Variants in GAB2 observed in about 807,000 individuals in gnomAD.
GAB2 encodes the protein GRB2 associated binding protein 2.
In GAB2, 26 loss-of-function variants were observed where a neutral mutation model predicts 65.5. The ratio of observed to expected loss-of-function variants is 0.40; its 90% CI spans 0.29 to 0.55. GAB2 has a LOEUF of 0.55. GAB2 is among the 20% of genes least tolerant of loss of function. GAB2 has a pLI of 0.53. For missense variants in GAB2, 884 were observed against 875.8 expected, an observed-to-expected ratio of 1.01 and a Z score of -0.12; for synonymous variants, 321 against 329.6, an observed-to-expected ratio of 0.97 and a Z score of 0.28.
At chr11:78,361,952 C>T (rs1856440387) in intron 1 of GAB2, among the ~76,000 whole-genome samples, 1 of 152,002 alleles carries the variant, frequency 6.6e-6, no homozygotes, top group South Asian at 2.1e-4. Context: ...AATGTAAATG[C>T]TCATCAGTAA....
intron 1 of GAB2, among the ~76,000 whole-genome samples, chr11:78,319,711 A>T (rs1335475620): frequency 6.6e-6 from 1 of 152,218 alleles, no homozygotes; most frequent in Non-Finnish European, 1.5e-5. Flanking sequence ...ATGAGATATA[A>T]AATTATTAAA....
chr11:78,267,856 T>TAAA (rs1865908059), intron 2 of GAB2, among the ~76,000 whole-genome samples: 1 of 34,712 alleles, frequency 2.9e-5, no homozygotes, highest in African/African-American at 1.7e-4. Flanking sequence ...AGACTCCGTC[T>TAAA]CAAAAAAAAA....
intron 2 of GAB2, among the ~76,000 whole-genome samples, chr11:78,278,090 A>G (rs1471189530): frequency 7.2e-6 from 1 of 139,758 alleles, no homozygotes; most frequent in Non-Finnish European, 1.5e-5. Context: ...TTTTTTTGAG[A>G]CAGAGTTTCA....
At chr11:78,360,624 G>A (rs772897491) in intron 1 of GAB2, among the ~76,000 whole-genome samples, 11 of 152,110 alleles carry the variant, frequency 7.2e-5, no homozygotes, top group Non-Finnish European at 1.6e-4. Context: ...TTGGGAGGCT[G>A]AGGCAGGTGG....
intron 1 of GAB2, among the ~76,000 whole-genome samples, chr11:78,340,618 G>GAAA (rs35065436): frequency 7.7e-6 from 1 of 130,490 alleles, no homozygotes. Flanking sequence ...ATGTGAAGAG[G>GAAA]AAAAAAAAAA....
At chr11:78,235,253 C>T (rs1164347365) in intron 3 of GAB2, among the ~76,000 whole-genome samples, 4 of 151,832 alleles carry the variant, frequency 2.6e-5, no homozygotes, top group African/African-American at 4.8e-5. Context: ...CCCGGGTTCA[C>T]GCCATTCTCC....
intron 2 of GAB2, among the ~76,000 whole-genome samples, chr11:78,257,803 A>G (rs1865632175): frequency 1.3e-5 from 2 of 151,990 alleles, no homozygotes; most frequent in African/African-American, 4.8e-5. Flanking sequence ...TGAGGTACAT[A>G]TTATTACCTC....
chr11:78,265,225 A>ATATAT (rs1565132884), intron 2 of GAB2, among the ~76,000 whole-genome samples: 2 of 81,924 alleles, frequency 2.4e-5, no homozygotes, highest in South Asian at 3.3e-4. Context: ...TATATATATA[A>ATATAT]AAGCACTCTA....
chr11:78,359,327 T>G (rs1415049226), intron 1 of GAB2, among the ~76,000 whole-genome samples: 1 of 151,942 alleles, frequency 6.6e-6, no homozygotes, highest in Non-Finnish European at 1.5e-5. Flanking sequence ...AAAGAAGACA[T>G]TAAAAGAGAA....
chr11:78,297,550 G>A (rs1005411548), intron 1 of GAB2, among the ~76,000 whole-genome samples: 2 of 152,076 alleles, frequency 1.3e-5, no homozygotes, highest in Non-Finnish European at 2.9e-5. Flanking sequence ...ACCCAGGGGA[G>A]TAGCTCAGGC....
chr11:78,367,231 T>G (rs1234090062), intron 1 of GAB2, among the ~76,000 whole-genome samples: 5 of 152,196 alleles, frequency 3.3e-5, no homozygotes, highest in Non-Finnish European at 7.3e-5. Context: ...TAACCTACTT[T>G]GTGCCAGACA....
intron 1 of GAB2, among the ~76,000 whole-genome samples, chr11:78,291,420 C>T (rs1308787882): frequency 6.7e-6 from 1 of 150,026 alleles, no homozygotes; most frequent in Admixed American, 6.6e-5. Context: ...GAGCGGAGAT[C>T]GCACCACTGC....
chr11:78,350,490 G>C (rs1314180145), intron 1 of GAB2, among the ~76,000 whole-genome samples: 3 of 152,266 alleles, frequency 2.0e-5, no homozygotes, highest in South Asian at 4.1e-4. Flanking sequence ...GGATTGCTCT[G>C]CTGCCTGTTT....
intron 1 of GAB2, among the ~76,000 whole-genome samples, chr11:78,410,231 C>T (rs890003012): frequency 6.6e-6 from 1 of 152,212 alleles, no homozygotes; most frequent in Non-Finnish European, 1.5e-5. Context: ...AGGCCAGGTG[C>T]AGCGGCTCAT....
At chr11:78,314,859 G>A (rs1026011285) in intron 1 of GAB2, among the ~76,000 whole-genome samples, 9 of 152,202 alleles carry the variant, frequency 5.9e-5, no homozygotes, top group African/African-American at 1.9e-4. Flanking sequence ...GTGAAGAGGT[G>A]CCACCACCGT....
chr11:78,400,628 C>T (rs1232768821), intron 1 of GAB2, among the ~76,000 whole-genome samples: 6 of 152,084 alleles, frequency 3.9e-5, no homozygotes, highest in African/African-American at 7.2e-5. Context: ...TAAGGCCAGG[C>T]GCAGTGGCTC....
intron 1 of GAB2, among the ~76,000 whole-genome samples, chr11:78,353,601 G>A (rs1856314130): frequency 6.6e-6 from 1 of 152,216 alleles, no homozygotes; most frequent in Non-Finnish European, 1.5e-5. Context: ...CATCTGTGCT[G>A]TCCAGTATGG....
chr11:78,358,232 G>A (rs1227185371), intron 1 of GAB2, among the ~76,000 whole-genome samples: 3 of 147,476 alleles, frequency 2.0e-5, no homozygotes, highest in East Asian at 4.0e-4. Context: ...ACTCATAGGT[G>A]GGAATTGAAC....
At chr11:78,326,921 A>C (rs1396296983) in intron 1 of GAB2, among the ~76,000 whole-genome samples, 1 of 152,236 alleles carries the variant, frequency 6.6e-6, no homozygotes, top group African/African-American at 2.4e-5. Context: ...GCCTAGAAGT[A>C]GGAAAGCCAG....
Sources: gnomAD v4.1 joint callset for allele counts (sites outside exome capture counted in the v4.1 genomes callset) on GRCh38, gnomAD v4.1.1 for gene constraint, MANE v1.5 for transcripts, NCBI Gene and HGNC (gene_info 2026-07-23, HGNC 2026-07-21) for gene names.